The following HESX1 variants were observed in gnomAD, a reference collection of about 807,000 sequenced individuals.
HESX1 encodes homeobox expressed in ES cells 1.
HESX1 carries 11 observed loss-of-function variants against 22.5 expected under a neutral mutation model. The ratio of observed to expected loss-of-function variants is 0.49; its 90% CI spans 0.31 to 0.81. HESX1 has a LOEUF of 0.81. Among genes scored for constraint, HESX1 ranks in the 30% least tolerant of loss-of-function variants. The pLI is 0.05. For synonymous variants in HESX1, 74 were observed against 76.5 expected, an observed-to-expected ratio of 0.97 and a Z score of 0.17; for missense variants, 201 against 212.6, an observed-to-expected ratio of 0.95 and a Z score of 0.34.
intron 2 of HESX1, 43 bp from the exon 3 acceptor site, chr3:57,198,535 G>A: frequency 1.6e-6 from 2 of 1,252,400 alleles, no homozygotes; most frequent in South Asian, 1.3e-5. Flanking sequence ...CTCCAAAAAT[G>A]AGCTTTAATT....
chr3:57,223,336 G>C (rs1189108712), intron 1 of HESX1, among the ~76,000 whole-genome samples: 1 of 152,054 alleles, frequency 6.6e-6, no homozygotes, highest in South Asian at 2.1e-4. Context: ...CTTCTAAAAA[G>C]GAATCAAGGC....
At chr3:57,206,136 A>G (rs539518461) in intron 1 of HESX1, among the ~76,000 whole-genome samples, 1 of 152,240 alleles carries the variant, frequency 6.6e-6, no homozygotes, top group Non-Finnish European at 1.5e-5. Flanking sequence ...GGTGGCAGTG[A>G]GCCGAGATCA....
intron 1 of HESX1, 45 bp downstream of exon 1, chr3:57,199,717 G>A: frequency 1.3e-6 from 2 of 1,588,394 alleles, no homozygotes; most frequent in Non-Finnish European, 1.7e-6. Flanking sequence ...ATTAAACACT[G>A]TAAATGAAAT....
At chr3:57,210,547 G>T (rs996609003) in intron 1 of HESX1, among the ~76,000 whole-genome samples, 4 of 152,106 alleles carry the variant, frequency 2.6e-5, no homozygotes, top group Non-Finnish European at 4.4e-5. Flanking sequence ...CACACTTTCA[G>T]TATTTTTAAT....
At chr3:57,205,128 G>C (rs2107572158) in intron 1 of HESX1, among the ~76,000 whole-genome samples, 1 of 152,258 alleles carries the variant, frequency 6.6e-6, no homozygotes, top group East Asian at 1.9e-4. Flanking sequence ...ATGGCTCCTG[G>C]CTGGGCATGG....
At chr3:57,225,162 A>T (rs1337854116) in intron 1 of HESX1, among the ~76,000 whole-genome samples, 3 of 152,206 alleles carry the variant, frequency 2.0e-5, no homozygotes, top group African/African-American at 7.2e-5. Context: ...AGCTTTGGAG[A>T]TGTTTTAACT....
chr3:57,223,785 C>T (rs190432730), intron 1 of HESX1, among the ~76,000 whole-genome samples: 39 of 152,178 alleles, frequency 2.6e-4, no homozygotes, highest in African/African-American at 8.4e-4. Flanking sequence ...GAGTGATTTA[C>T]TAGGTAACAA....
intron 1 of HESX1, among the ~76,000 whole-genome samples, chr3:57,225,880 T>C (rs1487817335): frequency 1.5e-5 from 2 of 137,196 alleles, no homozygotes; most frequent in Non-Finnish European, 3.3e-5. Flanking sequence ...TCTTTTCTTT[T>C]CTTTTTTTTT....
intron 1 of HESX1, among the ~76,000 whole-genome samples, chr3:57,215,302 G>A (rs1250118293): frequency 6.6e-6 from 1 of 152,124 alleles, no homozygotes; most frequent in Non-Finnish European, 1.5e-5. Context: ...TTCTAGGGAG[G>A]TACGAGAATT....
At chr3:57,206,324 T>C (rs2060519133) in intron 1 of HESX1, among the ~76,000 whole-genome samples, 1 of 152,090 alleles carries the variant, frequency 6.6e-6, no homozygotes, top group Non-Finnish European at 1.5e-5. Context: ...ATCCACTAGG[T>C]TTGTTAACAA....
chr3:57,199,792 T>C lies in HESX1; in HGVS notation c.127A>G (p.Arg43Gly), dbSNP rs1241562191. 6.2e-7 allele frequency: 1 copy of C among 1,614,172 alleles called. No homozygotes were observed. Among genetic ancestry groups the C allele is most frequent in the Admixed American group, 1.7e-5 (1 of 60,026 alleles). ...GAGCTGCAGGTGTCTGCCCAGGGCC[T>C]GTGGGGTTTCATTAATGGAACACAG... ...KDCVPLMKPH[R>G]PWADTCSSSG... The change falls in exon 1 of 4, where the codon AGG becomes GGG. Residue 43 changes from arginine to glycine, a missense_variant. Physicochemically the swap from Arg to Gly is moderately radical, Grantham distance 125 (BLOSUM62 -2). Transcript: ENST00000295934.
At chr3:57,201,916 T>TA (rs2060491068), upstream of HESX1, among the ~76,000 whole-genome samples, 1 of 151,858 alleles carries the variant, frequency 6.6e-6, no homozygotes, top group Non-Finnish European at 1.5e-5. Flanking sequence ...TCTATCTATC[T>TA]ATCTATCTAT....
At chr3:57,201,253 A>G (rs555325484), upstream of HESX1, among the ~76,000 whole-genome samples, 1 of 152,326 alleles carries the variant, frequency 6.6e-6, no homozygotes, top group South Asian at 2.1e-4. Context: ...CTCACATGCA[A>G]AACATCAACA....
intron 1 of HESX1, among the ~76,000 whole-genome samples, chr3:57,223,701 C>T (rs114573207): frequency 0.024 from 3,643 of 152,258 alleles, 67 homozygotes; most frequent in South Asian, 0.04. Context: ...GAAATCTGCT[C>T]TTTCCTGAAT....
chr3:57,215,003 A>C (rs2060575742), intron 1 of HESX1, among the ~76,000 whole-genome samples: 1 of 152,230 alleles, frequency 6.6e-6, no homozygotes, highest in Non-Finnish European at 1.5e-5. Context: ...CAGAATTAAG[A>C]CAAAGTTCCC....
intron 1 of HESX1, among the ~76,000 whole-genome samples, chr3:57,226,122 G>C (rs2056000): frequency 0.96 from 145,993 of 151,908 alleles, 70,233 homozygotes; most frequent in East Asian, 0.99. Context: ...AGGTGATCCA[G>C]CTGCCACGGC....
chr3:57,226,247 C>A (rs189090813), intron 1 of HESX1: 1 of 152,108 alleles, frequency 6.6e-6, no homozygotes, highest in South Asian at 2.1e-4. Flanking sequence ...GTTGCCACAA[C>A]CTTTCTTCAT....
intron 1 of HESX1, among the ~76,000 whole-genome samples, chr3:57,218,038 T>A (rs1446478108): frequency 6.6e-6 from 1 of 152,202 alleles, no homozygotes; most frequent in Non-Finnish European, 1.5e-5. Flanking sequence ...CTGCACCTAA[T>A]GGCTTTAAGG....
intron 1 of HESX1, among the ~76,000 whole-genome samples, chr3:57,225,989 C>A (rs2060641251): frequency 6.6e-6 from 1 of 151,060 alleles, no homozygotes; most frequent in Non-Finnish European, 1.5e-5. Flanking sequence ...AACTGAGTCT[C>A]CTGCCTCAGC....
Sources: allele counts gnomAD v4.1 joint callset (sites outside exome capture counted in the v4.1 genomes callset), GRCh38; gene constraint gnomAD v4.1.1; transcripts MANE v1.5; gene names NCBI Gene and HGNC (gene_info 2026-07-23, HGNC 2026-07-21).